Variants in ZNF512 observed in about 807,000 individuals in gnomAD.
The protein encoded by ZNF512 is zinc finger protein 512.
ZNF512 carries 25 observed loss-of-function variants against 77.5 expected under a neutral mutation model. The observed-to-expected ratio is 0.32, with a 90% CI of 0.23 to 0.45. The LOEUF is 0.45. Among genes scored for constraint, ZNF512 ranks in the 20% least tolerant of loss-of-function variants. The pLI, the probability that ZNF512 is intolerant of heterozygous loss-of-function variation, is 1.00. For synonymous variants in ZNF512, 246 were observed against 239.9 expected, an observed-to-expected ratio of 1.03 and a Z score of -0.24; for missense variants, 483 against 692.6, an observed-to-expected ratio of 0.70 and a Z score of 3.40.
intron 10 of ZNF512, among the ~76,000 whole-genome samples, chr2:27,612,568 A>G (rs891778357): frequency 6.6e-6 from 1 of 151,852 alleles, no homozygotes; most frequent in African/African-American, 2.4e-5. Context: ...ATCCAACACC[A>G]CAAGTTTCCT....
At chr2:27,596,828 T>A (rs1396335372) in intron 2 of ZNF512, among the ~76,000 whole-genome samples, 2 of 152,234 alleles carry the variant, frequency 1.3e-5, no homozygotes, top group African/African-American at 4.8e-5. Flanking sequence ...TGTTTACTCA[T>A]CCCCATTTCC....
chr2:27,593,734 C>CT (rs1230561288), intron 2 of ZNF512, among the ~76,000 whole-genome samples: 15 of 142,530 alleles, frequency 1.1e-4, no homozygotes, highest in South Asian at 2.2e-4. Flanking sequence ...GATTTTCCAC[C>CT]TTTTTTTTTT....
intron 2 of ZNF512, among the ~76,000 whole-genome samples, chr2:27,597,041 CTA>C (rs1242650831): frequency 1.3e-5 from 2 of 152,140 alleles, no homozygotes; most frequent in Non-Finnish European, 2.9e-5. Flanking sequence ...GGTCGTGTCT[CTA>C]TGTGTAGAAT....
intron 7 of ZNF512, among the ~76,000 whole-genome samples, chr2:27,601,727 C>T (rs1672123257): frequency 6.6e-6 from 1 of 152,184 alleles, no homozygotes; most frequent in African/African-American, 2.4e-5. Context: ...TGGCTCACCG[C>T]AACCTCCGCC....
At chr2:27,603,350 T>G in intron 9 of ZNF512, 43 bp downstream of exon 9, 1 of 1,602,322 alleles carries the variant, frequency 6.2e-7, no homozygotes, top group South Asian at 1.1e-5. Flanking sequence ...GGGATGTATT[T>G]CGTGGTGAGT....
At position 27,621,216 on chromosome 2, in the gene ZNF512, C is replaced by T. The variant is rs1673108148; in HGVS notation, c.1459C>T (p.Arg487Trp). ...TGAAAAGCTGATGAAGATAAAGCAG[C>T]GGCAGCAAGAAGAAGAAAAGCGGAG... Reference protein sequence around the residue: ...SFEKLMKIKQRQQEEEKRRQQ... With the variant: ...SFEKLMKIKQWQQEEEKRRQQ... Residue 487 changes from arginine to tryptophan, a missense_variant, in exon 14 of 14, where the codon CGG (arginine) becomes TGG (tryptophan). Arg to Trp is a moderately radical substitution (Grantham distance 101). Coordinates refer to ENST00000355467, the MANE Select transcript of ZNF512 (RefSeq NM_032434.4). 3.7e-6 allele frequency: 6 copies of T among 1,614,008 alleles called. No homozygotes were observed. Among genetic ancestry groups the T allele is most frequent in the African/African-American group, 1.3e-5 (1 of 74,884 alleles).
At chr2:27,620,953 T>C (rs1317556230) in intron 13 of ZNF512, among the ~76,000 whole-genome samples, 200 bp from the exon 14 acceptor site, 1 of 152,218 alleles carries the variant, frequency 6.6e-6, no homozygotes, top group East Asian at 1.9e-4. Context: ...AATTACGCCT[T>C]ACAAAATATG....
intron 2 of ZNF512, among the ~76,000 whole-genome samples, chr2:27,590,737 C>A (rs1162899047): frequency 1.3e-5 from 2 of 151,984 alleles, no homozygotes; most frequent in East Asian, 3.9e-4. Flanking sequence ...ACATTCATTG[C>A]TTGCTGGGCT....
intron 10 of ZNF512, among the ~76,000 whole-genome samples, chr2:27,614,809 T>C (rs898736756): frequency 3.9e-5 from 6 of 152,064 alleles, no homozygotes; most frequent in Admixed American, 3.3e-4. Flanking sequence ...TCCCTCTCTT[T>C]TTTTTTTAAA....
intron 13 of ZNF512, among the ~76,000 whole-genome samples, chr2:27,618,075 A>C (rs1043799286): frequency 2.0e-5 from 3 of 151,534 alleles, no homozygotes; most frequent in African/African-American, 7.3e-5. Flanking sequence ...ACCTGCCACC[A>C]TGCCTGGCTA....
chr2:27,608,999 C>T (rs1672487186), intron 10 of ZNF512, among the ~76,000 whole-genome samples: 1 of 151,702 alleles, frequency 6.6e-6, no homozygotes, highest in Non-Finnish European at 1.5e-5. Flanking sequence ...ATCCCAGCTA[C>T]TCAGGAGGCT....
intron 2 of ZNF512, among the ~76,000 whole-genome samples, chr2:27,588,828 T>C (rs893204234): frequency 1.3e-5 from 2 of 150,124 alleles, no homozygotes; most frequent in South Asian, 2.1e-4. Context: ...TTTAACAATA[T>C]TGAGTTTTCT....
At chr2:27,618,628 A>G (rs1156875926) in intron 13 of ZNF512, among the ~76,000 whole-genome samples, 2 of 152,352 alleles carry the variant, frequency 1.3e-5, no homozygotes, top group Non-Finnish European at 2.9e-5. Flanking sequence ...AGAGGAAGGA[A>G]AGAAATTAAC....
chr2:27,592,731 C>G (rs1671650675), intron 2 of ZNF512, among the ~76,000 whole-genome samples: 1 of 121,602 alleles, frequency 8.2e-6, no homozygotes, highest in Non-Finnish European at 1.6e-5. Flanking sequence ...GTTGCCCAGG[C>G]TGGAGTGCAA....
intron 2 of ZNF512, among the ~76,000 whole-genome samples, chr2:27,593,246 A>ACACAC (rs1558465769): frequency 7.1e-6 from 1 of 141,108 alleles, no homozygotes; most frequent in African/African-American, 2.8e-5. Flanking sequence ...ACACACACAC[A>ACACAC]AAAGAATGAG....
chr2:27,615,262 C>T lies in ZNF512; in HGVS notation c.1226C>T (p.Pro409Leu). 6.3e-7 allele frequency: 1 copy of T among 1,586,504 alleles called. No individual in the cohort carries two copies. The highest frequency in any genetic ancestry group is 8.6e-7 in the Non-Finnish European group (1 of 1,166,466). Residue 409 changes from proline (P) to leucine (L), a missense_variant, in exon 11 of 14, where the codon CCT becomes CTT. Pro to Leu is a moderately conservative substitution (Grantham distance 98, BLOSUM62 -3). Transcript: ENST00000355467. Reference sequence around the variant, plus strand: ...AAGAAATATCATCGTATTCAGTGTCCTAACCAGGTGGTTCTTTCTCATTCA... The same window carrying T: ...AAGAAATATCATCGTATTCAGTGTCTTAACCAGGTGGTTCTTTCTCATTCA... ...DIKKYHRIQC[P>L]NQGCEAVYSS...
Position 27,600,713 on chromosome 2 carries a change from C to T in ZNF512, c.480C>T (p.Tyr160=), listed in dbSNP as rs1247999714. 6.2e-7 allele frequency: 1 copy of T among 1,613,876 alleles called. No homozygotes were observed. The highest frequency in any genetic ancestry group is 8.5e-7 in the Non-Finnish European group (1 of 1,179,878). ...YAAGSLEEQW[Y]LEIVDKGSVS... ...TAGGCAGTTTGGAGGAGCAATGGTA[C>T]TTAGAAATCGTTGATAAAGGCAGTG... Residue 160 remains tyrosine, a synonymous_variant, in exon 6 of 14, where the codon TAC becomes TAT. Coordinates refer to ENST00000355467, the MANE Select transcript of ZNF512 (RefSeq NM_032434.4).
chr2:27,596,391 CT>C (rs368175810), intron 2 of ZNF512, among the ~76,000 whole-genome samples: 6 of 151,982 alleles, frequency 3.9e-5, no homozygotes, highest in Admixed American at 2.0e-4. Context: ...TTAAGAGATT[CT>C]TTTTTTTGCC....
At chr2:27,600,666 A>G in intron 5 of ZNF512, 25 bp from the exon 6 acceptor site, 1 of 1,605,864 alleles carries the variant, frequency 6.2e-7, no homozygotes, top group Non-Finnish European at 8.5e-7. Context: ...GCAGATTACA[A>G]AGTGTTTCTT....
Sources: gnomAD v4.1 joint callset for allele counts (sites outside exome capture counted in the v4.1 genomes callset) on GRCh38, gnomAD v4.1.1 for gene constraint, MANE v1.5 for transcripts, NCBI Gene and HGNC (gene_info 2026-07-23, HGNC 2026-07-21) for gene names.